Variants in RUVBL1 observed in about 807,000 individuals in gnomAD.
RUVBL1 encodes RuvB like AAA ATPase 1, also known as ruvB-like 1.
A neutral mutation model predicts 52.4 loss-of-function variants in RUVBL1; 4 were observed. That is an observed-to-expected ratio of 0.08 (90% CI 0.04 to 0.17). The LOEUF is 0.17. Ranked by LOEUF, RUVBL1 falls within the 10% of genes least tolerant of loss-of-function variation. RUVBL1 has a pLI of 1.00. For synonymous variants in RUVBL1, 217 were observed against 214.4 expected (o/e 1.01, Z -0.10); for missense variants, 298 against 572.8 (o/e 0.52, Z 4.90).
chr3:128,101,798 G>A (rs1027271573), intron 4 of RUVBL1, 150 bp from the exon 5 acceptor site: 3 of 717,590 alleles, frequency 4.2e-6, no homozygotes, highest in African/African-American at 1.7e-5. Flanking sequence ...GGACCTGCAG[G>A]AGTGTGAATG....
chr3:128,107,034 C>G (rs2107698946), intron 3 of RUVBL1, among the ~76,000 whole-genome samples: 1 of 152,266 alleles, frequency 6.6e-6, no homozygotes, highest in African/African-American at 2.4e-5. Context: ...TGTACATATG[C>G]ATAAAATTAC....
At chr3:128,088,470 A>G (rs1481313639) in intron 8 of RUVBL1, among the ~76,000 whole-genome samples, 1 of 148,792 alleles carries the variant, frequency 6.7e-6, no homozygotes, top group Non-Finnish European at 1.5e-5. Flanking sequence ...CTATAGTATA[A>G]TATATAGTAT....
chr3:128,149,377 G>A (rs1472722298), intron 1 of RUVBL1, among the ~76,000 whole-genome samples: 2 of 152,020 alleles, frequency 1.3e-5, no homozygotes, highest in African/African-American at 2.4e-5. Context: ...TAGAGACGGG[G>A]TTTTGCCATG....
At chr3:128,151,034 CTATATTCTA>C (rs1348477765) in intron 1 of RUVBL1, among the ~76,000 whole-genome samples, 17 of 84,062 alleles carry the variant, frequency 2.0e-4, no homozygotes, top group Admixed American at 5.7e-4. Context: ...AATATATATT[CTATATTCTA>C]TATATTCTAT....
Position 128,082,958 on chromosome 3 carries a change from T to G in RUVBL1, c.1120-384A>C. The stretch of plus-strand genomic sequence containing the variant: ...GGGGCTCCTGCAAGGGCTCTAACCT[T>G]CCTCTCCAGCATGGGCACTACTGCC... On this transcript the variant is annotated intron_variant, in intron 9 of 10. Coordinates refer to ENST00000322623, the MANE Select transcript of RUVBL1 (RefSeq NM_003707.3). The surrounding 1 kb of genome is among the most constrained non-coding windows in gnomAD (Gnocchi z 4.7). 1 of 168,610 alleles carries G rather than the reference T, an allele frequency of 5.9e-6. No individual in the cohort carries two copies. The highest frequency in any genetic ancestry group is 5.7e-5 in the Admixed American group (1 of 17,672). The allele number at this position is 168,610 out of a possible 1,614,324, so 10.4% of individuals were successfully genotyped here. A position where few individuals can be genotyped will look rare whatever the true frequency, so the allele number is the denominator to read the frequency against.
In RUVBL1 at chr3:128,101,066, T is replaced by C. The variant is rs149823623; in HGVS notation, c.604-322A>G. Among the ~76,000 whole-genome samples, 101 of 152,338 alleles carry C rather than the reference T, an allele frequency of 6.6e-4. 2 individuals carry two copies. The East Asian group carries it at 0.018, about 27-fold the overall frequency. On this transcript the variant is annotated intron_variant, in intron 5 of 10. Transcript: ENST00000322623. ...GGCAGAGGAGCTGCTCAGACTCTTT[T>C]GTAGGTGGATGATTTATTGTATGAT... is the stretch of plus-strand genomic sequence containing the variant.
intron 1 of RUVBL1, among the ~76,000 whole-genome samples, chr3:128,147,327 C>T (rs1156535428): frequency 6.6e-6 from 1 of 152,112 alleles, no homozygotes; most frequent in Non-Finnish European, 1.5e-5. Flanking sequence ...ACCTTGGCCT[C>T]CCAAAATGCT....
chr3:128,113,163 A>G, intron 2 of RUVBL1, 143 bp from the exon 3 acceptor site: 2 of 950,906 alleles, frequency 2.1e-6, no homozygotes, highest in Non-Finnish European at 3.0e-6. Context: ...TAAATGTTTG[A>G]TGACTTTTGT....
rs1942473513 is a variant in RUVBL1 at position 128,081,473 on chromosome 3, CA to C, written c.1212-65del. 1 of 1,531,432 alleles carries C rather than the reference CA, an allele frequency of 6.5e-7. No individual in the cohort carries two copies. Among genetic ancestry groups the C allele is most frequent in the South Asian group, 1.2e-5 (1 of 83,626 alleles). 94.9% of individuals were successfully genotyped at this position (1,531,432 alleles called of 1,614,324 possible). A position where few individuals can be genotyped will look rare whatever the true frequency, so the allele number is the denominator to read the frequency against. On this transcript the variant is annotated intron_variant, in intron 10 of 10. Coordinates refer to ENST00000322623, the MANE Select transcript of RUVBL1 (RefSeq NM_003707.3). This position sits in a 1 kb window ranked among gnomAD's most constrained non-coding sequence, Gnocchi z 4.8. The stretch of plus-strand genomic sequence containing the variant: ...GCCACCGAAGAAAGCACCTTCCCCC[CA>C]CATCAGTAGGCAGCACTGGCACCAG...
upstream of RUVBL1, among the ~76,000 whole-genome samples, chr3:128,125,115 C>G (rs973770417): frequency 1.4e-5 from 2 of 145,424 alleles, no homozygotes; most frequent in East Asian, 4.3e-4. Flanking sequence ...CCCGGGTTCA[C>G]GCCATTCTCC....
chr3:128,124,009 G>A, upstream of RUVBL1: 1 of 664,218 alleles, frequency 1.5e-6, no homozygotes. Context: ...AGCACAGTGG[G>A]ACCACGCCCC....
upstream of RUVBL1, among the ~76,000 whole-genome samples, chr3:128,127,494 G>A (rs1011735677): frequency 2.6e-5 from 4 of 152,064 alleles, no homozygotes; most frequent in Non-Finnish European, 5.9e-5. Context: ...TCAATCACTT[G>A]TTTCCTGACC....
rs1559814792 is a variant in RUVBL1 at position 128,097,495 on chromosome 3, T to C, written c.821A>G (p.Lys274Arg). The change falls in exon 8 of 11, where the codon AAA (lysine) becomes AGA (arginine). Residue 274 changes from lysine (K) to arginine (R), a missense_variant. Around this residue, in one of 5 missense-constraint regions of RUVBL1, gnomAD observed 161 missense variants for 298.3 expected, o/e 0.54. Coordinates refer to ENST00000322623, the MANE Select transcript of RUVBL1 (RefSeq NM_003707.3). Reference sequence around the variant, plus strand: ...CACCTTATTAATCTCCCCTCGAAGTTTGTCTAGGAGATGCAAGGATGGGCA... The same window carrying C: ...CACCTTATTAATCTCCCCTCGAAGTCTGTCTAGGAGATGCAAGGATGGGCA... ...MKPKKTEITDKLRGEINKVVN... is the reference protein window; with the variant it reads ...MKPKKTEITDRLRGEINKVVN... The C allele has an allele frequency of 1.9e-6, 3 of 1,614,110 alleles. No homozygotes were observed. Among genetic ancestry groups the C allele is most frequent in the Non-Finnish European group, 2.5e-6 (3 of 1,179,998 alleles).
At chr3:128,150,907 A>ATTCTATATATTATATATATTAT (rs1559841629) in intron 1 of RUVBL1, among the ~76,000 whole-genome samples, 10 of 72,570 alleles carry the variant, frequency 1.4e-4, no homozygotes, top group Admixed American at 7.2e-4. Context: ...TATATAATAT[A>ATTCTATATATTATATATATTAT]ATATTCTATA....
intron 1 of RUVBL1, among the ~76,000 whole-genome samples, chr3:128,151,540 G>A (rs944500998): frequency 6.6e-6 from 1 of 151,680 alleles, no homozygotes; most frequent in African/African-American, 2.4e-5. Context: ...TTTTAAATAC[G>A]TTTACTGCTT....
chr3:128,098,531 T>C (rs1943036112), intron 7 of RUVBL1, among the ~76,000 whole-genome samples: 1 of 152,130 alleles, frequency 6.6e-6, no homozygotes, highest in African/African-American at 2.4e-5. Flanking sequence ...CAGGGCAGTA[T>C]GTGGAGCTGG....
intron 1 of RUVBL1, among the ~76,000 whole-genome samples, chr3:128,143,522 A>G (rs2107735957): frequency 6.6e-6 from 1 of 152,316 alleles, no homozygotes; most frequent in East Asian, 1.9e-4. Context: ...ATGGAAGGTA[A>G]CATATTCACT....
At position 128,111,220 on chromosome 3, in the gene RUVBL1, A is replaced by C. The variant is rs1296612966; in HGVS notation, c.361+1668T>G. Among the ~76,000 whole-genome samples, 8 of 3,092 alleles carry C rather than the reference A, an allele frequency of 2.6e-3. No individual in the cohort carries two copies. The East Asian group carries it at 0.042, about 16-fold the overall frequency. The allele number at this position is 3,092 out of a possible 152,430, so 2.0% of individuals were successfully genotyped here. ...AGCCTGGCGACAGAGACTCTCTCTCAAAAAAAAAAAAAAAAAGGCTTCTGT... is the reference window on the plus strand; with the variant it reads ...AGCCTGGCGACAGAGACTCTCTCTCCAAAAAAAAAAAAAAAAGGCTTCTGT... On this transcript the variant is annotated intron_variant, in intron 3 of 10. Coordinates refer to ENST00000322623, the MANE Select transcript of RUVBL1 (RefSeq NM_003707.3).
intron 1 of RUVBL1, among the ~76,000 whole-genome samples, chr3:128,129,316 G>T (rs560434586): frequency 1.3e-5 from 2 of 152,242 alleles, no homozygotes; most frequent in East Asian, 3.9e-4. Flanking sequence ...CAATTAACAG[G>T]TCAAGAAGAA....
Sources: gnomAD v4.1 joint callset for allele counts (sites outside exome capture counted in the v4.1 genomes callset) on GRCh38, gnomAD v4.1.1 for gene constraint, gnomAD v4.1.1 regional missense constraint, Gnocchi (gnomAD v3.1) non-coding constraint, MANE v1.5 for transcripts, NCBI Gene and HGNC (gene_info 2026-07-23, HGNC 2026-07-21) for gene names.